The following ASTN2 variants were observed in gnomAD, a reference collection of about 807,000 sequenced individuals.
ASTN2 encodes the protein astrotactin-2.
A neutral mutation model predicts 139.8 loss-of-function variants in ASTN2; 54 were observed. The observed-to-expected ratio is 0.39, with a 90% CI of 0.31 to 0.48. The LOEUF (loss-of-function observed/expected upper bound fraction) is 0.48. Among genes scored for constraint, ASTN2 ranks in the 20% least tolerant of loss-of-function variants. The pLI, the probability that ASTN2 is intolerant of heterozygous loss-of-function variation, is 0.95. For missense variants in ASTN2, 1,565 were observed against 1,725.1 expected, an observed-to-expected ratio of 0.91 and a Z score of 1.64; for synonymous variants, 756 against 719.5, an observed-to-expected ratio of 1.05 and a Z score of -0.81.
At chr9:116,538,660 A>G (rs191017532) in intron 19 of ASTN2, among the ~76,000 whole-genome samples, 154 of 152,270 alleles carry the variant, frequency 1.0e-3, no homozygotes, top group Non-Finnish European at 1.1e-3. Context: ...ATTATATTCC[A>G]TGCTTTGTTA....
chr9:117,053,373 G>T (rs1168897135), intron 5 of ASTN2, among the ~76,000 whole-genome samples: 3 of 152,122 alleles, frequency 2.0e-5, no homozygotes, highest in African/African-American at 7.2e-5. Flanking sequence ...GATCGCTTGA[G>T]CCCAGGAGTT....
chr9:116,797,145 C>G (rs181851756), intron 13 of ASTN2, among the ~76,000 whole-genome samples: 24 of 152,230 alleles, frequency 1.6e-4, no homozygotes, highest in African/African-American at 5.8e-4. Context: ...TGGGAGAAAA[C>G]TATGGAAGGT....
Position 117,414,401 on chromosome 9 carries a change from C to A in ASTN2, c.442+96G>T. 1 of 1,551,288 alleles carries A rather than the reference C, an allele frequency of 6.4e-7. No homozygotes were observed. ...CTCTGCCAACCCCACTCGGGGCAGCCCCGGGCAGGGATCCCCAGGGCGCCC... is the reference window on the plus strand; with the variant it reads ...CTCTGCCAACCCCACTCGGGGCAGCACCGGGCAGGGATCCCCAGGGCGCCC... On this transcript the variant is annotated intron_variant, in intron 1 of 22. Transcript: ENST00000313400. This position sits in a 1 kb window ranked among gnomAD's most constrained non-coding sequence, Gnocchi z 4.2.
At chr9:116,926,113 A>G (rs759588598) in intron 10 of ASTN2, among the ~76,000 whole-genome samples, 16 of 152,036 alleles carry the variant, frequency 1.1e-4, no homozygotes, top group Admixed American at 1.3e-4. Flanking sequence ...CCTCCCAGAA[A>G]GCTCTTTCTC....
chr9:117,408,728 A>C (rs1367781650), intron 1 of ASTN2, among the ~76,000 whole-genome samples: 1 of 152,174 alleles, frequency 6.6e-6, no homozygotes, highest in African/African-American at 2.4e-5. Flanking sequence ...ACCCCCCAAG[A>C]AACAGCAAAT....
At chr9:117,043,471 G>A (rs145759028) in intron 5 of ASTN2, among the ~76,000 whole-genome samples, 57 of 152,174 alleles carry the variant, frequency 3.7e-4, no homozygotes, top group African/African-American at 1.2e-3. Flanking sequence ...ACACTACCCC[G>A]GCTCCACAGG....
intron 5 of ASTN2, among the ~76,000 whole-genome samples, chr9:117,070,490 G>A (rs1253892752): frequency 9.2e-6 from 1 of 109,002 alleles, no homozygotes; most frequent in Non-Finnish European, 1.8e-5. Flanking sequence ...TATGTGTCTT[G>A]GAGTTGCTCT....
chr9:116,439,223 C>T (rs1450954169), intron 22 of ASTN2, among the ~76,000 whole-genome samples: 3 of 50,584 alleles, frequency 5.9e-5, no homozygotes, highest in African/African-American at 1.7e-4. Flanking sequence ...TTTTTTGAGA[C>T]GGAGTCTCGC....
intron 12 of ASTN2, among the ~76,000 whole-genome samples, chr9:116,807,934 A>G (rs1350748333): frequency 2.7e-5 from 4 of 146,772 alleles, no homozygotes; most frequent in Non-Finnish European, 3.0e-5. Context: ...ACATAGTGAA[A>G]TCCTGTCTCT....
chr9:117,022,565 T>G (rs1357675153), intron 6 of ASTN2, among the ~76,000 whole-genome samples: 3 of 152,152 alleles, frequency 2.0e-5, no homozygotes, highest in Admixed American at 2.0e-4. Flanking sequence ...GCATCTTCAA[T>G]GGCAACGCAC....
rs3038406 is a variant in ASTN2 at position 116,978,791 on chromosome 9, GA to G, written c.1592-2007del. Among the ~76,000 whole-genome samples, 123 of 149,978 alleles carry G rather than the reference GA, an allele frequency of 8.2e-4. 1 individual carries two copies. The highest frequency in any genetic ancestry group is 6.1e-3 in the East Asian group (31 of 5,102). On this transcript the variant is annotated intron_variant, in intron 7 of 22. Transcript: ENST00000313400. ...AAACTTATTTTATGCAGGCTTCAGGGAAAAAAAAAATCTCCTCTCATCTTTG... is the reference window on the plus strand; with the variant it reads ...AAACTTATTTTATGCAGGCTTCAGGGAAAAAAAAATCTCCTCTCATCTTTG...
chr9:117,203,933 G>A (rs1378878651), intron 3 of ASTN2, among the ~76,000 whole-genome samples: 1 of 152,186 alleles, frequency 6.6e-6, no homozygotes, highest in East Asian at 1.9e-4. Context: ...GGGCTGCCCG[G>A]ATTCATCAGA....
intron 10 of ASTN2, among the ~76,000 whole-genome samples, chr9:116,933,653 G>A (rs10759874): frequency 1.1e-4 from 17 of 150,166 alleles, no homozygotes; most frequent in East Asian, 9.7e-4. Flanking sequence ...TTTTATTAAG[G>A]AAAAAAAAAA....
intron 19 of ASTN2, among the ~76,000 whole-genome samples, chr9:116,489,700 T>A (rs1313171418): frequency 2.6e-5 from 4 of 152,246 alleles, no homozygotes; most frequent in Non-Finnish European, 5.9e-5. Flanking sequence ...TTGCAAGACT[T>A]ATCTGACTGA....
At chr9:117,393,808 G>A (rs1335566280) in intron 1 of ASTN2, among the ~76,000 whole-genome samples, 1 of 152,046 alleles carries the variant, frequency 6.6e-6, no homozygotes, top group Non-Finnish European at 1.5e-5. Context: ...GGGTGCAGTG[G>A]GGAGACTCTA....
intron 19 of ASTN2, among the ~76,000 whole-genome samples, chr9:116,513,995 C>A (rs905405947): frequency 2.0e-5 from 3 of 151,650 alleles, no homozygotes; most frequent in Admixed American, 6.6e-5. Flanking sequence ...CTTCTTCTCT[C>A]AACTCCTCAA....
chr9:116,786,241 T>C (rs1396463832), intron 13 of ASTN2, among the ~76,000 whole-genome samples: 3 of 152,138 alleles, frequency 2.0e-5, no homozygotes, highest in African/African-American at 7.2e-5. Context: ...CTGTAAAACA[T>C]AGAATCCCCT....
At chr9:116,595,217 T>C (rs901121288) in intron 19 of ASTN2, among the ~76,000 whole-genome samples, 3 of 152,264 alleles carry the variant, frequency 2.0e-5, no homozygotes, top group African/African-American at 7.2e-5. Context: ...CAATAAATGC[T>C]GACTATCTTC....
intron 19 of ASTN2, among the ~76,000 whole-genome samples, chr9:116,592,093 A>C (rs1382823668): frequency 6.6e-6 from 1 of 152,116 alleles, no homozygotes; most frequent in Non-Finnish European, 1.5e-5. Context: ...CCTCCCTTAA[A>C]TTTTAAATCA....
Sources: gnomAD v4.1 joint callset for allele counts (sites outside exome capture counted in the v4.1 genomes callset) on GRCh38, gnomAD v4.1.1 for gene constraint, Gnocchi (gnomAD v3.1) non-coding constraint, MANE v1.5 for transcripts, NCBI Gene and HGNC (gene_info 2026-07-23, HGNC 2026-07-21) for gene names.